The following KCNMA1 variants were observed in gnomAD, a reference collection of about 807,000 sequenced individuals.
KCNMA1 encodes Calcium-activated potassium channel subunit alpha-1.
A neutral mutation model predicts 140.0 loss-of-function variants in KCNMA1; 29 were observed. The observed-to-expected ratio is 0.21, with a 90% CI of 0.15 to 0.28. KCNMA1 has a LOEUF of 0.28. KCNMA1 is among the 10% of genes least tolerant of loss of function. The pLI, the probability that KCNMA1 is intolerant of heterozygous loss-of-function variation, is 1.00. For synonymous variants in KCNMA1, 612 were observed against 611.9 expected (o/e 1.00, Z 0.00); for missense variants, 880 against 1,602.2 (o/e 0.55, Z 7.70).
At chr10:77,053,187 A>G (rs2095431851) in intron 14 of KCNMA1, among the ~76,000 whole-genome samples, 1 of 152,146 alleles carries the variant, frequency 6.6e-6, no homozygotes, top group Non-Finnish European at 1.5e-5. Context: ...CACCTGTCCC[A>G]TGAGCAAGTT....
intron 2 of KCNMA1, among the ~76,000 whole-genome samples, chr10:77,328,333 G>T (rs1207972809): frequency 6.6e-6 from 1 of 152,194 alleles, no homozygotes; most frequent in South Asian, 2.1e-4. Flanking sequence ...CAGGCAGGCA[G>T]GTCAAACTGC....
chr10:77,225,050 T>C (rs773224865), intron 3 of KCNMA1, among the ~76,000 whole-genome samples: 11 of 152,190 alleles, frequency 7.2e-5, no homozygotes, highest in Non-Finnish European at 1.6e-4. Context: ...AGGCTCAAAA[T>C]GTTTTATGAG....
chr10:76,984,605 G>C (rs1332511636), intron 19 of KCNMA1, among the ~76,000 whole-genome samples: 1 of 152,122 alleles, frequency 6.6e-6, no homozygotes, highest in Non-Finnish European at 1.5e-5. Context: ...ATTATCCTGA[G>C]GTGAATAGAA....
At chr10:77,195,719 C>T (rs1212835849) in intron 3 of KCNMA1, among the ~76,000 whole-genome samples, 1 of 152,020 alleles carries the variant, frequency 6.6e-6, no homozygotes, top group Non-Finnish European at 1.5e-5. Context: ...GAGGCCGAGG[C>T]AGGTGGATCA....
intron 2 of KCNMA1, among the ~76,000 whole-genome samples, chr10:77,362,782 G>A (rs1316307113): frequency 6.6e-6 from 1 of 152,060 alleles, no homozygotes; most frequent in Non-Finnish European, 1.5e-5. Flanking sequence ...CCATCACAAG[G>A]GCCTCTGATA....
chr10:77,346,777 T>C (rs183684912), intron 2 of KCNMA1, among the ~76,000 whole-genome samples: 189 of 152,282 alleles, frequency 1.2e-3, no homozygotes, highest in African/African-American at 2.0e-3. Context: ...AGACCCAAGA[T>C]GGAATTTGAT....
At chr10:77,121,212 A>G (rs886695914) in intron 5 of KCNMA1, among the ~76,000 whole-genome samples, 164 bp from the exon 6 acceptor site, 1 of 152,160 alleles carries the variant, frequency 6.6e-6, no homozygotes, top group African/African-American at 2.4e-5. Flanking sequence ...CTGATTCTTG[A>G]CTGGTTTAAT....
At chr10:77,259,672 T>C (rs1021918508) in intron 2 of KCNMA1, among the ~76,000 whole-genome samples, 5 of 152,180 alleles carry the variant, frequency 3.3e-5, no homozygotes, top group Non-Finnish European at 1.5e-5. Flanking sequence ...GCACAAGCAC[T>C]TTCCTCCTCC....
chr10:77,613,540 C>T (rs2087878498), intron 1 of KCNMA1, among the ~76,000 whole-genome samples: 1 of 152,194 alleles, frequency 6.6e-6, no homozygotes, highest in South Asian at 2.1e-4. Context: ...CGGTTCAGAC[C>T]GCAGGCCGGC....
intron 14 of KCNMA1, chr10:77,071,433 C>T (rs1268792251): frequency 6.6e-6 from 1 of 152,258 alleles, no homozygotes; most frequent in Non-Finnish European, 1.5e-5. Context: ...AGAAAACCAC[C>T]AGAGCTTGAT....
At chr10:77,556,075 G>T (rs2064248761) in intron 1 of KCNMA1, among the ~76,000 whole-genome samples, 1 of 152,164 alleles carries the variant, frequency 6.6e-6, no homozygotes, top group African/African-American at 2.4e-5. Context: ...AATAGCTTGG[G>T]CTTGGATTTC....
intron 1 of KCNMA1, among the ~76,000 whole-genome samples, chr10:77,573,787 C>A (rs1394446938): frequency 6.6e-6 from 1 of 151,750 alleles, no homozygotes; most frequent in Admixed American, 6.6e-5. Flanking sequence ...TCCAGACTCA[C>A]CCTGTATACC....
chr10:77,624,764 A>T (rs2154570185), intron 1 of KCNMA1, among the ~76,000 whole-genome samples: 1 of 152,250 alleles, frequency 6.6e-6, no homozygotes, highest in South Asian at 2.1e-4. Context: ...AAAATCAAAA[A>T]TCCGGCGCTC....
At chr10:76,917,087 C>T (rs767316203) in intron 23 of KCNMA1, among the ~76,000 whole-genome samples, 3 of 152,270 alleles carry the variant, frequency 2.0e-5, no homozygotes, top group Middle Eastern at 3.4e-3. Flanking sequence ...TTTTTAAATG[C>T]TAGCTGTTTT....
intron 2 of KCNMA1, among the ~76,000 whole-genome samples, chr10:77,293,991 C>T (rs1298490366): frequency 6.6e-6 from 1 of 152,244 alleles, no homozygotes; most frequent in East Asian, 1.9e-4. Flanking sequence ...GCCGGTGTGG[C>T]TGCAGTCTCT....
At chr10:77,278,298 C>T (rs115281820) in intron 2 of KCNMA1, among the ~76,000 whole-genome samples, 2,469 of 152,206 alleles carry the variant, frequency 0.016, 63 homozygotes, top group African/African-American at 0.056. Context: ...GACAAACAAC[C>T]ATATCAGACC....
intron 1 of KCNMA1, among the ~76,000 whole-genome samples, chr10:77,497,588 C>G (rs2042410489): frequency 6.6e-6 from 1 of 152,206 alleles, no homozygotes; most frequent in South Asian, 2.1e-4. Context: ...GAAGAACTGG[C>G]AGGGGACCCA....
chr10:77,033,392 G>T (rs1350966245), intron 15 of KCNMA1, among the ~76,000 whole-genome samples: 2 of 151,820 alleles, frequency 1.3e-5, no homozygotes, highest in African/African-American at 4.8e-5. Flanking sequence ...GAAGGTTTCA[G>T]AATATCCCCA....
At chr10:77,632,315 C>A (rs554326231) in intron 1 of KCNMA1, among the ~76,000 whole-genome samples, 1 of 152,254 alleles carries the variant, frequency 6.6e-6, no homozygotes, top group East Asian at 1.9e-4. Flanking sequence ...AGTGTCCTGG[C>A]CAAGAGACCG....
Sources: allele counts gnomAD v4.1 joint callset (sites outside exome capture counted in the v4.1 genomes callset), GRCh38; gene constraint gnomAD v4.1.1; transcripts MANE v1.5; gene names NCBI Gene and HGNC (gene_info 2026-07-23, HGNC 2026-07-21).